Variants in ARPC1B observed in about 807,000 individuals in gnomAD.
ARPC1B encodes the protein actin-related protein 2/3 complex subunit 1B.
Under a neutral mutation model 46.0 loss-of-function variants are expected in ARPC1B, and 29 were observed. That is an observed-to-expected ratio of 0.63 (90% CI 0.47 to 0.86). The LOEUF is 0.86. Ranked by LOEUF, ARPC1B falls within the 40% of genes least tolerant of loss-of-function variation. The pLI is 0.00. For missense variants in ARPC1B, 469 were observed against 529.4 expected, an observed-to-expected ratio of 0.89 and a Z score of 1.12; for synonymous variants, 201 against 213.9, an observed-to-expected ratio of 0.94 and a Z score of 0.53.
chr7:99,394,476 T>G lies in ARPC1B; in HGVS notation c.1106T>G (p.Leu369Arg). Residue 369 changes from leucine (L) to arginine (R), a missense_variant, in exon 10 of 10, where the codon CTC becomes CGC. Leu to Arg is a moderately radical substitution (Grantham distance 102). Coordinates refer to ENST00000646101, the MANE Select transcript of ARPC1B (RefSeq NM_005720.4). ...AGCTTGGAGTCAGCCTTGAAGGACC[T>G]CAAGATCAAATGACCTGTGAGGAAT... ...VKSLESALKD[L>R]KIK The G allele has an allele frequency of 6.2e-7, 1 of 1,614,080 alleles. No homozygotes were observed. The highest frequency in any genetic ancestry group is 8.5e-7 in the Non-Finnish European group (1 of 1,180,014).
At position 99,380,332 on chromosome 7, in the gene ARPC1B, A is replaced by AAGATGTGGGGGTTGGGGGTTGGGGG. The variant is rs1318535307; in HGVS notation, c.-13-5370_-13-5369insAGATGTGGGGGTTGGGGGTTGGGGG. Among the ~76,000 whole-genome samples the AAGATGTGGGGGTTGGGGGTTGGGGG allele has an allele frequency of 4.1e-3, 628 of 152,192 alleles. 2 individuals carry two copies. The highest frequency in any genetic ancestry group is 0.014 in the African/African-American group (599 of 41,464). ...GGTAAGATGTGGGGGTTGGGGAGTT[A>AAGATGTGGGGGTTGGGGGTTGGGGG]TCGCAGAGGCGCTTTGGGTTTCAGC... On this transcript the variant is annotated intron_variant, in intron 1 of 9. Transcript: ENST00000646101.
chr7:99,381,502 G>A (rs1180517349), intron 1 of ARPC1B, among the ~76,000 whole-genome samples: 2 of 152,156 alleles, frequency 1.3e-5, no homozygotes, highest in African/African-American at 2.4e-5. Context: ...CTGACCCTGC[G>A]CTGCGTGTGT....
chr7:99,380,433 T>G lies in ARPC1B; in HGVS notation c.-13-5269T>G, dbSNP rs553419553. Among the ~76,000 whole-genome samples, 5 of 152,306 alleles carry G rather than the reference T, an allele frequency of 3.3e-5. No homozygotes were observed. The East Asian group carries it at 7.7e-4, about 23-fold the overall frequency. ...CCCCTTAACACTTCTTTGCCCCATT[T>G]AAGGGGTTTGTTCAACAGACTAGGA... On this transcript the variant is annotated intron_variant, in intron 1 of 9. Coordinates refer to ENST00000646101, the MANE Select transcript of ARPC1B (RefSeq NM_005720.4).
rs933110361 is a variant in ARPC1B at position 99,389,739 on chromosome 7, G to A, written c.393-166G>A. On this transcript the variant is annotated intron_variant, in intron 4 of 9. Transcript: ENST00000646101. ...AGAAGCGACACAGCACATCCCTGCC[G>A]CCCCAGGGCCCTGACGGCCTTGTGG... is the stretch of plus-strand genomic sequence containing the variant. 1.4e-5 allele frequency: 9 copies of A among 656,178 alleles called. 1 individual carries two copies. The highest frequency in any genetic ancestry group is 7.2e-5 in the African/African-American group (4 of 55,230). The allele number at this position is 656,178 out of a possible 1,614,324, so 40.6% of individuals were successfully genotyped here.
At chr7:99,378,380 T>C (rs1216433670) in intron 1 of ARPC1B, among the ~76,000 whole-genome samples, 1 of 151,716 alleles carries the variant, frequency 6.6e-6, no homozygotes, top group African/African-American at 2.4e-5. Context: ...ACCTGTTTGC[T>C]TTTAAAAAAG....
rs969160057 is a variant in ARPC1B, at chr7:99,390,816, G to C, written c.501-77G>C. On this transcript the variant is annotated intron_variant, in intron 5 of 9. Coordinates refer to ENST00000646101, the MANE Select transcript of ARPC1B (RefSeq NM_005720.4). Reference sequence around the variant, plus strand: ...GGGTTCAAGCAATCCTCCCGCCTCAGCCTCCTGAGTAGCTGAGAGTACAGG... The same window carrying C: ...GGGTTCAAGCAATCCTCCCGCCTCACCCTCCTGAGTAGCTGAGAGTACAGG... 14 of 1,357,048 alleles carry C rather than the reference G, an allele frequency of 1.0e-5. No individual in the cohort carries two copies. In the African/African-American group the frequency reaches 1.9e-4, roughly 18 times the overall value. 84.1% of individuals were successfully genotyped at this position (1,357,048 alleles called of 1,614,324 possible). A position where few individuals can be genotyped will look rare whatever the true frequency, so the allele number is the denominator to read the frequency against.
chr7:99,390,514 C>A (rs1794537532), intron 5 of ARPC1B, among the ~76,000 whole-genome samples: 1 of 150,832 alleles, frequency 6.6e-6, no homozygotes, highest in South Asian at 2.1e-4. Flanking sequence ...GTAGCTGGAA[C>A]TACAGGCGCA....
At chr7:99,389,480 C>A in intron 4 of ARPC1B, 1 of 160,966 alleles carries the variant, frequency 6.2e-6, no homozygotes, top group Non-Finnish European at 1.4e-5. Flanking sequence ...CTCAGCCTCC[C>A]AAAGTGCTGA....
chr7:99,394,216 G>A (rs887897802), intron 9 of ARPC1B, 97 bp downstream of exon 9: 1 of 1,358,750 alleles, frequency 7.4e-7, no homozygotes, highest in East Asian at 2.4e-5. Flanking sequence ...CTTCACTCCT[G>A]CAGAGATGGC....
intron 1 of ARPC1B, among the ~76,000 whole-genome samples, chr7:99,380,892 A>G (rs960256523): frequency 3.5e-4 from 53 of 152,184 alleles, no homozygotes; most frequent in African/African-American, 1.3e-3. Flanking sequence ...GGGGCCAACC[A>G]GAGCCTGGGT....
chr7:99,384,313 T>C (rs1794313978), intron 1 of ARPC1B: 1 of 152,074 alleles, frequency 6.6e-6, no homozygotes, highest in Non-Finnish European at 1.5e-5. Flanking sequence ...TCTGGCCGAG[T>C]GTAGTGGCTC....
At position 99,388,159 on chromosome 7, in the gene ARPC1B, G is replaced by A. The variant is rs564390104; in HGVS notation, c.290G>A (p.Arg97Gln). 4.3e-6 allele frequency: 7 copies of A among 1,614,216 alleles called. No homozygotes were observed. Among genetic ancestry groups the A allele is most frequent in the Admixed American group, 3.3e-5 (2 of 60,022 alleles). Reference sequence around the variant, plus strand: ...ACGCTGGTCATCCTGCGGATCAACCGGGCTGCCCGCTGCGTGCGCTGGGCC... The same window carrying A: ...ACGCTGGTCATCCTGCGGATCAACCAGGCTGCCCGCTGCGTGCGCTGGGCC... Reference protein sequence around the residue: ...KPTLVILRINRAARCVRWAPN... With the variant: ...KPTLVILRINQAARCVRWAPN... Residue 97 changes from arginine to glutamine, a missense_variant, in exon 4 of 10, where the codon CGG becomes CAG. By Grantham distance (43) the Arg-to-Gln change is conservative. Coordinates refer to ENST00000646101, the MANE Select transcript of ARPC1B (RefSeq NM_005720.4).
chr7:99,390,693 T>A (rs1176505884), intron 5 of ARPC1B, among the ~76,000 whole-genome samples, 200 bp from the exon 6 acceptor site: 2 of 151,396 alleles, frequency 1.3e-5, no homozygotes, highest in Non-Finnish European at 1.5e-5. Context: ...TGTTAACCCT[T>A]TAAAAAAAAT....
At chr7:99,383,709 G>A (rs970877421) in intron 1 of ARPC1B, among the ~76,000 whole-genome samples, 2 of 152,182 alleles carry the variant, frequency 1.3e-5, no homozygotes, top group East Asian at 1.9e-4. Flanking sequence ...GCCGGTATCT[G>A]GGGGAAGAGT....
chr7:99,389,735 TGCC>T, intron 4 of ARPC1B, 167 bp from the exon 5 acceptor site: 1 of 649,244 alleles, frequency 1.5e-6, no homozygotes, highest in Non-Finnish European at 2.7e-6. Context: ...AGCACATCCC[TGCC>T]GCCCCAGGGC....
intron 2 of ARPC1B, chr7:99,386,307 G>C: frequency 2.6e-6 from 1 of 386,262 alleles, no homozygotes; most frequent in Non-Finnish European, 5.0e-6. Context: ...AAAGCCTTTC[G>C]GAGGAGATGA....
At position 99,392,757 on chromosome 7, in the gene ARPC1B, G is replaced by C. The variant is rs549436375; in HGVS notation, c.870G>C (p.Gln290His). 15 of 1,549,760 alleles carry C rather than the reference G, an allele frequency of 9.7e-6. No individual in the cohort carries two copies. The African/African-American group carries it at 2.1e-4, about 21-fold the overall frequency. Residue 290 changes from glutamine (Q) to histidine (H), a missense_variant, in exon 8 of 10, where the codon CAG becomes CAC. Gln to His is a conservative substitution (Grantham distance 24). Transcript: ENST00000646101. ...SFGGRLDVPK[Q>H]SSQRGLTARE... ...GCGGGCGGCTGGACGTTCCTAAGCAGAGCTCGCAGCGTGGCTTGACGGCCC... is the reference window on the plus strand; with the variant it reads ...GCGGGCGGCTGGACGTTCCTAAGCACAGCTCGCAGCGTGGCTTGACGGCCC...
chr7:99,393,751 C>CT (rs1389642708), intron 8 of ARPC1B, among the ~76,000 whole-genome samples: 1 of 152,176 alleles, frequency 6.6e-6, no homozygotes, highest in Non-Finnish European at 1.5e-5. Flanking sequence ...CCCCCATCTC[C>CT]TTTTTTGTCC....
chr7:99,381,881 G>A (rs1267365701), intron 1 of ARPC1B, among the ~76,000 whole-genome samples: 1 of 152,218 alleles, frequency 6.6e-6, no homozygotes, highest in Non-Finnish European at 1.5e-5. Flanking sequence ...CAGTGACGGG[G>A]CAGCCACCGG....
Sources: gnomAD v4.1 joint callset for allele counts (sites outside exome capture counted in the v4.1 genomes callset) on GRCh38, gnomAD v4.1.1 for gene constraint, MANE v1.5 for transcripts, NCBI Gene and HGNC (gene_info 2026-07-23, HGNC 2026-07-21) for gene names.